The following COBL variants were observed in gnomAD, a reference collection of about 807,000 sequenced individuals.
COBL encodes cordon-bleu WH2 repeat protein, also known as protein cordon-bleu.
COBL carries 51 observed loss-of-function variants against 98.8 expected under a neutral mutation model. The ratio of observed to expected loss-of-function variants is 0.52; its 90% CI spans 0.41 to 0.65. The LOEUF is 0.65. Ranked by LOEUF, COBL falls within the 30% of genes least tolerant of loss-of-function variation. The pLI is 0.00. For missense variants in COBL, 1,617 were observed against 1,617.5 expected (o/e 1.00, Z 0.01); for synonymous variants, 634 against 651.7 (o/e 0.97, Z 0.41).
chr7:51,216,276 G>A (rs1470626526), intron 2 of COBL, among the ~76,000 whole-genome samples: 1 of 152,204 alleles, frequency 6.6e-6, no homozygotes, highest in African/African-American at 2.4e-5. Flanking sequence ...TGCCTCCCAG[G>A]TTCAAGTGAT....
At chr7:51,145,532 C>T (rs1192803263) in intron 5 of COBL, among the ~76,000 whole-genome samples, 2 of 151,998 alleles carry the variant, frequency 1.3e-5, no homozygotes, top group Non-Finnish European at 2.9e-5. Flanking sequence ...GTACCCGCCA[C>T]CATGCCCAGC....
At chr7:51,187,929 A>T in intron 4 of COBL, 1 of 1,232,428 alleles carries the variant, frequency 8.1e-7, no homozygotes, top group Non-Finnish European at 1.0e-6. Flanking sequence ...CAGCTCAGGG[A>T]AGGCTCGGAC....
intron 7 of COBL, among the ~76,000 whole-genome samples, chr7:51,060,676 C>T (rs1791254158): frequency 6.6e-6 from 1 of 152,084 alleles, no homozygotes; most frequent in South Asian, 2.1e-4. Context: ...CCCTAGTGAC[C>T]CACTAGCAAA....
At position 51,017,524 on chromosome 7, in the gene COBL, T is replaced by C; in HGVS notation, c.*27A>G. On this transcript the variant is annotated 3_prime_UTR_variant, in exon 13 of 13. Transcript: ENST00000265136. ...GCCTGTGGGCATATTACAGGTGGGT[T>C]TCTGCAATTCTCTGGCCTCTGTTCA... 1 of 1,612,752 alleles carries C rather than the reference T, an allele frequency of 6.2e-7. No individual in the cohort carries two copies.
chr7:51,201,815 GA>G (rs147012070), intron 2 of COBL, among the ~76,000 whole-genome samples: 16 of 150,060 alleles, frequency 1.1e-4, no homozygotes, highest in Admixed American at 4.6e-4. Context: ...TTCTAAGAAT[GA>G]AAAAAAAATA....
chr7:51,098,224 C>CTTTTTTTTTTTTTTTTTTTTTTTTTTTT (rs551768231), intron 6 of COBL, among the ~76,000 whole-genome samples: 1,794 of 100,486 alleles, frequency 0.018, 296 homozygotes, highest in Non-Finnish European at 0.02. Flanking sequence ...ATAGCAGTTT[C>CTTTTTTTTTTTTTTTTTTTTTTTTTTTT]TTTTTTTTTT....
At chr7:51,201,872 GA>G (rs1487557071) in intron 2 of COBL, among the ~76,000 whole-genome samples, 2 of 152,172 alleles carry the variant, frequency 1.3e-5, no homozygotes, top group Non-Finnish European at 2.9e-5. Flanking sequence ...CCCACAGTCT[GA>G]AGATATTAAA....
intron 1 of COBL, among the ~76,000 whole-genome samples, chr7:51,303,429 G>A (rs1260783598): frequency 6.6e-6 from 1 of 152,124 alleles, no homozygotes; most frequent in Non-Finnish European, 1.5e-5. Flanking sequence ...GTGCGCACCT[G>A]ACTTGACCAT....
At chr7:51,283,806 T>A (rs1800025104) in intron 1 of COBL, among the ~76,000 whole-genome samples, 1 of 151,958 alleles carries the variant, frequency 6.6e-6, no homozygotes, top group African/African-American at 2.4e-5. Context: ...TTAAGAACAT[T>A]ATGAAAAAAG....
intron 5 of COBL, among the ~76,000 whole-genome samples, chr7:51,166,874 T>C (rs1332835565): frequency 6.6e-6 from 1 of 152,164 alleles, no homozygotes; most frequent in Non-Finnish European, 1.5e-5. Context: ...TTTCAATCGA[T>C]ATTGAAAAGC....
At chr7:51,313,234 TAG>T (rs148437780) in intron 1 of COBL, among the ~76,000 whole-genome samples, 13,151 of 152,182 alleles carry the variant, frequency 0.086, 723 homozygotes, top group East Asian at 0.3. Flanking sequence ...TATTATGGTG[TAG>T]AGTTAATATT....
In COBL at chr7:51,306,684, C is replaced by T. The variant is rs187674586; in HGVS notation, c.41+9909G>A. On this transcript the variant is annotated intron_variant, in intron 1 of 12. Coordinates refer to ENST00000265136, the MANE Select transcript of COBL (RefSeq NM_015198.5). ...CTGAGTTTGGTCCTCTCCTATCACA[C>T]ACCACGTATTTCTTTGAAAAAGTAA... 1.0e-3 allele frequency among the ~76,000 whole-genome samples: 157 copies of T among 152,290 alleles called. 1 individual carries two copies. The highest frequency in any genetic ancestry group is 3.6e-3 in the African/African-American group (151 of 41,570).
At chr7:51,139,498 C>T (rs1799539758) in intron 5 of COBL, among the ~76,000 whole-genome samples, 1 of 152,146 alleles carries the variant, frequency 6.6e-6, no homozygotes. Context: ...TTTTTCTCCC[C>T]TAATTTGCTC....
intron 7 of COBL, among the ~76,000 whole-genome samples, chr7:51,059,565 G>T (rs570729484): frequency 6.9e-6 from 1 of 144,120 alleles, no homozygotes. Context: ...AGAAGGGGGG[G>T]CCTGAAACAC....
intron 5 of COBL, among the ~76,000 whole-genome samples, chr7:51,151,467 C>T (rs1785548531): frequency 6.6e-6 from 1 of 152,094 alleles, no homozygotes; most frequent in African/African-American, 2.4e-5. Flanking sequence ...CAGAGTCTCC[C>T]CATAAGATAT....
In COBL at chr7:51,085,257, C is replaced by A; in HGVS notation, c.1005G>T (p.Ala335=). The change falls in exon 7 of 13, where the codon GCG becomes GCT. Residue 335 remains alanine (A), a synonymous_variant. Transcript: ENST00000265136. ...GTGGCTGTGGTGGAGGGGGAGCTGG[C>A]GCTCGCCGCTTCTTCTTCTGTAAAT... ...QIDLQKKKRR[A]PAPPPPQPPP... The A allele has an allele frequency of 1.8e-5, 29 of 1,603,732 alleles. No homozygotes were observed. Among genetic ancestry groups the A allele is most frequent in the Non-Finnish European group, 2.3e-5 (27 of 1,175,504 alleles).
At chr7:51,050,361 A>G (rs1790116981) in intron 7 of COBL, among the ~76,000 whole-genome samples, 1 of 152,188 alleles carries the variant, frequency 6.6e-6, no homozygotes, top group Admixed American at 6.5e-5. Flanking sequence ...TGTAACACAG[A>G]GCTGTGTTCC....
rs749182983 is a variant in COBL at position 51,029,503 on chromosome 7, G to A, written c.1593C>T (p.Ile531=). 5 of 1,614,056 alleles carry A rather than the reference G, an allele frequency of 3.1e-6. No individual in the cohort carries two copies. The South Asian group carries it at 5.5e-5, about 18-fold the overall frequency. The change falls in exon 10 of 13, where the codon ATC becomes ATT. Residue 531 remains isoleucine, a synonymous_variant. Coordinates refer to ENST00000265136, the MANE Select transcript of COBL (RefSeq NM_015198.5). ...GGATTGCATCTGTGTCGCCGTGAGGGATCATGGCATCCTGTGGGCAGTGGT... is the reference window on the plus strand; with the variant it reads ...GGATTGCATCTGTGTCGCCGTGAGGAATCATGGCATCCTGTGGGCAGTGGT... The part of the protein sequence containing the change: ...ASNHCPQDAM[I]PHGDTDAIPV...
intron 1 of COBL, among the ~76,000 whole-genome samples, chr7:51,251,883 T>G (rs761664724): frequency 6.6e-6 from 1 of 152,312 alleles, no homozygotes; most frequent in Middle Eastern, 3.4e-3. Flanking sequence ...CACACAACCA[T>G]TTTTGCTTTC....
Sources: gnomAD v4.1 joint callset for allele counts (sites outside exome capture counted in the v4.1 genomes callset) on GRCh38, gnomAD v4.1.1 for gene constraint, MANE v1.5 for transcripts, NCBI Gene and HGNC (gene_info 2026-07-23, HGNC 2026-07-21) for gene names.